FRMD4B: variants seen among roughly 807,000 people sequenced by gnomAD.
FRMD4B encodes FERM domain containing 4B, also known as FERM domain-containing protein 4B.
A neutral mutation model predicts 141.5 loss-of-function variants in FRMD4B; 74 were observed. That is an observed-to-expected ratio of 0.52 (90% CI 0.43 to 0.63). The LOEUF is 0.63. Ranked by LOEUF, FRMD4B falls within the 30% of genes least tolerant of loss-of-function variation. FRMD4B has a pLI of 0.00. For synonymous variants in FRMD4B, 506 were observed against 467.9 expected (o/e 1.08, Z -1.05); for missense variants, 1,366 against 1,253.4 (o/e 1.09, Z -1.36).
At chr3:69,299,056 T>C (rs898638411) in intron 4 of FRMD4B, among the ~76,000 whole-genome samples, 1 of 152,274 alleles carries the variant, frequency 6.6e-6, no homozygotes, top group East Asian at 1.9e-4. Flanking sequence ...CATTTGTTTA[T>C]GTGTATGCTG....
intron 5 of FRMD4B, among the ~76,000 whole-genome samples, chr3:69,273,467 A>G (rs2106944342): frequency 6.6e-6 from 1 of 152,344 alleles, no homozygotes; most frequent in Admixed American, 6.5e-5. Context: ...TAGGTTAAGC[A>G]TATTAAATTT....
At position 69,176,568 on chromosome 3, in the gene FRMD4B, G is replaced by A. The variant is rs756892809; in HGVS notation, c.2940C>T (p.Thr980=). 1 of 1,611,548 alleles carries A rather than the reference G, an allele frequency of 6.2e-7. No individual in the cohort carries two copies. The highest frequency in any genetic ancestry group is 8.5e-7 in the Non-Finnish European group (1 of 1,177,712). The change falls in exon 22 of 23, where the codon ACC becomes ACT. Residue 980 remains threonine, a synonymous_variant. Coordinates refer to ENST00000398540, the MANE Select transcript of FRMD4B (RefSeq NM_015123.3). Reference sequence around the variant, plus strand: ...GATTATAGACATTGCCATAGCAGCTGGTGTAAGAAGAATGTGCTGGAGTCT... The same window carrying A: ...GATTATAGACATTGCCATAGCAGCTAGTGTAAGAAGAATGTGCTGGAGTCT... ...DYETPAHSSY[T]SCYGNVYNPL...
intron 2 of FRMD4B, among the ~76,000 whole-genome samples, chr3:69,425,826 A>G (rs1389779453): frequency 6.6e-6 from 1 of 152,228 alleles, no homozygotes; most frequent in Non-Finnish European, 1.5e-5. Context: ...CCCAAAGCCC[A>G]AGTAAGTGGG....
At chr3:69,488,657 C>T (rs375745782) in intron 1 of FRMD4B, among the ~76,000 whole-genome samples, 8 of 151,980 alleles carry the variant, frequency 5.3e-5, no homozygotes, top group African/African-American at 9.7e-5. Context: ...AATCCCAGCA[C>T]TTTGGGAGGC....
intron 2 of FRMD4B, among the ~76,000 whole-genome samples, chr3:69,402,294 G>A (rs1704576383): frequency 1.3e-5 from 2 of 152,288 alleles, no homozygotes; most frequent in Middle Eastern, 3.4e-3. Context: ...CCATCTTGTT[G>A]CCACAATGAG....
intron 1 of FRMD4B, among the ~76,000 whole-genome samples, chr3:69,450,987 A>G (rs1705487911): frequency 6.6e-6 from 1 of 152,144 alleles, no homozygotes; most frequent in Admixed American, 6.5e-5. Flanking sequence ...AACCCAGCTA[A>G]TATCTCGAGT....
chr3:69,462,443 C>T (rs1054200962), intron 1 of FRMD4B, among the ~76,000 whole-genome samples: 1 of 152,236 alleles, frequency 6.6e-6, no homozygotes, highest in Non-Finnish European at 1.5e-5. Flanking sequence ...ACAGCCTTGT[C>T]AGGGTGCATG....
intron 1 of FRMD4B, among the ~76,000 whole-genome samples, chr3:69,478,513 T>C (rs1446404307): frequency 1.3e-5 from 2 of 152,158 alleles, no homozygotes; most frequent in African/African-American, 4.8e-5. Flanking sequence ...AGTTGAGCGG[T>C]TTTGAGTGAG....
At chr3:69,464,385 G>A (rs530565671) in intron 1 of FRMD4B, among the ~76,000 whole-genome samples, 22 of 152,068 alleles carry the variant, frequency 1.4e-4, no homozygotes, top group Admixed American at 7.2e-4. Flanking sequence ...CATTATCAGC[G>A]CCCTTACCCA....
At chr3:69,198,615 T>C (rs1449098392) in intron 12 of FRMD4B, 83 bp downstream of exon 12, 2 of 725,900 alleles carry the variant, frequency 2.8e-6, no homozygotes, top group South Asian at 1.6e-5. Flanking sequence ...CATATGTTCA[T>C]ATAAAAACTT....
intron 17 of FRMD4B, 84 bp downstream of exon 17, chr3:69,193,564 C>CAACTGGT (rs1282027990): frequency 4.2e-6 from 3 of 718,804 alleles, no homozygotes; most frequent in Non-Finnish European, 7.1e-6. Flanking sequence ...GATCTCTCAT[C>CAACTGGT]AACTGGTAAC....
At chr3:69,349,615 C>G (rs542131973) in intron 1 of FRMD4B, among the ~76,000 whole-genome samples, 2 of 151,976 alleles carry the variant, frequency 1.3e-5, no homozygotes, top group African/African-American at 4.8e-5. Context: ...GGTACTGGTA[C>G]CAAAACAGAG....
chr3:69,330,394 G>T (rs55862014), intron 1 of FRMD4B, among the ~76,000 whole-genome samples: 9,081 of 140,272 alleles, frequency 0.065, 1,173 homozygotes, highest in African/African-American at 0.24. Context: ...TCACCCAGGC[G>T]GGAGTGCAAT....
At chr3:69,194,503 G>T (rs2092877293) in intron 16 of FRMD4B, among the ~76,000 whole-genome samples, 2 of 152,174 alleles carry the variant, frequency 1.3e-5, no homozygotes, top group South Asian at 4.1e-4. Flanking sequence ...GGTTATATTG[G>T]CTGATGACAT....
At chr3:69,260,900 A>C (rs2093522847) in intron 5 of FRMD4B, among the ~76,000 whole-genome samples, 1 of 152,190 alleles carries the variant, frequency 6.6e-6, no homozygotes, top group Admixed American at 6.5e-5. Context: ...ACCAATCAGC[A>C]CTCTGTGTCT....
At chr3:69,474,681 C>A (rs558774704) in intron 1 of FRMD4B, among the ~76,000 whole-genome samples, 2 of 149,878 alleles carry the variant, frequency 1.3e-5, no homozygotes, top group South Asian at 4.2e-4. Flanking sequence ...GCTTTAAACA[C>A]TGGAGCATTG....
At chr3:69,420,110 G>C (rs1704945758) in intron 2 of FRMD4B, among the ~76,000 whole-genome samples, 1 of 152,014 alleles carries the variant, frequency 6.6e-6, no homozygotes, top group African/African-American at 2.4e-5. Flanking sequence ...ATCTGCCTTG[G>C]CCTCCCAAAG....
intron 1 of FRMD4B, among the ~76,000 whole-genome samples, chr3:69,458,279 T>C (rs914440806): frequency 1.3e-5 from 2 of 152,218 alleles, no homozygotes; most frequent in Non-Finnish European, 2.9e-5. Context: ...CATTGGGTCA[T>C]GTGGGCTGGG....
chr3:69,508,634 T>G (rs1421511776), intron 1 of FRMD4B, among the ~76,000 whole-genome samples: 3 of 152,172 alleles, frequency 2.0e-5, no homozygotes, highest in Non-Finnish European at 4.4e-5. Context: ...GGAGGAATAT[T>G]CTACCATTAA....
Sources: gnomAD v4.1 joint callset for allele counts (sites outside exome capture counted in the v4.1 genomes callset) on GRCh38, gnomAD v4.1.1 for gene constraint, MANE v1.5 for transcripts, NCBI Gene and HGNC (gene_info 2026-07-23, HGNC 2026-07-21) for gene names.